The following RNF170 variants were observed in gnomAD, a reference collection of about 807,000 sequenced individuals.
The protein encoded by RNF170 is E3 ubiquitin-protein ligase RNF170.
A neutral mutation model predicts 32.7 loss-of-function variants in RNF170; 12 were observed. That is an observed-to-expected ratio of 0.37 (90% CI 0.24 to 0.60). The LOEUF (loss-of-function observed/expected upper bound fraction) is 0.60, where lower values mean the gene tolerates loss of function less well. Ranked by LOEUF, RNF170 falls within the 20% of genes least tolerant of loss-of-function variation. RNF170 has a pLI of 0.72. For synonymous variants in RNF170, 91 were observed against 103.6 expected, an observed-to-expected ratio of 0.88 and a Z score of 0.74; for missense variants, 212 against 311.2, an observed-to-expected ratio of 0.68 and a Z score of 2.40.
At chr8:42,881,507 A>G (rs1805402068) in intron 2 of RNF170, 2 of 152,244 alleles carry the variant, frequency 1.3e-5, no homozygotes, top group Non-Finnish European at 2.9e-5. Flanking sequence ...CATGACCATC[A>G]ATGGTAGACT....
intron 1 of RNF170, among the ~76,000 whole-genome samples, chr8:42,894,725 C>T (rs956458110): frequency 5.3e-5 from 8 of 151,960 alleles, no homozygotes; most frequent in African/African-American, 1.9e-4. Flanking sequence ...CCACCACGCC[C>T]GGCTAATTTT....
chr8:42,881,460 T>C (rs529538859), intron 2 of RNF170: 1 of 152,220 alleles, frequency 6.6e-6, no homozygotes, highest in East Asian at 1.9e-4. Flanking sequence ...AACTCTGGTG[T>C]TGCTATTTAC....
At chr8:42,863,980 AGTGTGTGTGTGTGTGT>A (rs71231874) in intron 5 of RNF170, among the ~76,000 whole-genome samples, 1 of 139,512 alleles carries the variant, frequency 7.2e-6, no homozygotes, top group Admixed American at 7.2e-5. Flanking sequence ...AGAGAGAGAG[AGTGTGTGTGTGTGTGT>A]GTGTGTGTGT....
intron 2 of RNF170, among the ~76,000 whole-genome samples, chr8:42,876,256 T>TA (rs1804922152): frequency 6.6e-6 from 1 of 150,794 alleles, no homozygotes; most frequent in African/African-American, 2.4e-5. Flanking sequence ...GAATATATTT[T>TA]AAAAAATATT....
rs1019290508 is a variant in RNF170, at chr8:42,856,491, T to C, written c.508-63A>G. 6.8e-6 allele frequency: 8 copies of C among 1,174,134 alleles called. No individual in the cohort carries two copies. In the African/African-American group the frequency reaches 1.1e-4, roughly 16 times the overall value. The allele number at this position is 1,174,134 out of a possible 1,614,324, so 72.7% of individuals were successfully genotyped here. A position where few individuals can be genotyped will look rare whatever the true frequency, so the allele number is the denominator to read the frequency against. On this transcript the variant is annotated intron_variant, in intron 6 of 6. Transcript: ENST00000527424. Reference sequence around the variant, plus strand: ...TAATGTGTCAGATTTCAAAATAATATAATTTTCTTACTATATGTAAACATT... The same window carrying C: ...TAATGTGTCAGATTTCAAAATAATACAATTTTCTTACTATATGTAAACATT...
Position 42,856,409 on chromosome 8 carries a change from T to TC in RNF170, c.526dup (p.Asp176GlyfsTer47). 6.2e-7 allele frequency: 1 copy of TC among 1,611,242 alleles called. No homozygotes were observed. Among genetic ancestry groups the TC allele is most frequent in the Non-Finnish European group, 8.5e-7 (1 of 1,179,000 alleles). ...TGCATGCCTCAGTAAAGTGGGTAGA[T>TC]CCATAATTCTCTCCATAATCTGGTA... On this transcript the variant is annotated frameshift_variant, in exon 7 of 7. Coordinates refer to ENST00000527424, the MANE Select transcript of RNF170 (RefSeq NM_030954.4). LOFTEE classifies it high-confidence loss of function.
chr8:42,856,416 T>C lies in RNF170; in HGVS notation c.520A>G (p.Ile174Val), dbSNP rs745349222. ...CTCAGTAAAGTGGGTAGATCCATAA[T>C]TCTCTCCATAATCTGGTAGAGGGAA... is the stretch of plus-strand genomic sequence containing the variant. ...SGQPRSIMER[I>V]MDLPTLLRHA... The change falls in exon 7 of 7, where the codon ATT becomes GTT. Residue 174 changes from isoleucine (I) to valine (V), a missense_variant. By Grantham distance (29) the Ile-to-Val change is conservative. Transcript: ENST00000527424. 2 of 1,610,982 alleles carry C rather than the reference T, an allele frequency of 1.2e-6. No homozygotes were observed. Among genetic ancestry groups the C allele is most frequent in the Admixed American group, 1.7e-5 (1 of 59,550 alleles).
At chr8:42,883,161 G>A (rs1805548211) in intron 2 of RNF170, among the ~76,000 whole-genome samples, 1 of 152,094 alleles carries the variant, frequency 6.6e-6, no homozygotes, top group Non-Finnish European at 1.5e-5. Flanking sequence ...TGGGGAGACT[G>A]AAAGGGGGCA....
chr8:42,874,484 TA>T (rs1390556565), intron 2 of RNF170, among the ~76,000 whole-genome samples: 3 of 152,244 alleles, frequency 2.0e-5, no homozygotes, highest in African/African-American at 7.2e-5. Flanking sequence ...CTCATGCCTG[TA>T]ATCCCAGCAC....
intron 2 of RNF170, among the ~76,000 whole-genome samples, chr8:42,886,546 C>T (rs1012309582): frequency 1.3e-5 from 2 of 152,160 alleles, no homozygotes; most frequent in Admixed American, 6.5e-5. Flanking sequence ...ACGCCTCAGC[C>T]GCCCAAGTAG....
Position 42,861,868 on chromosome 8 carries a change from G to GA in RNF170, c.397-14dup, listed in dbSNP as rs558493564. The GA allele has an allele frequency of 4.1e-4, 643 of 1,571,552 alleles. No individual in the cohort carries two copies. Among genetic ancestry groups the GA allele is most frequent in the South Asian group, 7.9e-4 (67 of 84,634 alleles). ...GGAGTAAGGTTACCTGTATATTACA[G>GA]AAAAAAAAATTATTTCAACTTTCTG... On this transcript the variant is annotated splice_polypyrimidine_tract_variant and intron_variant, in intron 5 of 6. Transcript: ENST00000527424.
At position 42,855,534 on chromosome 8, in the gene RNF170, A is replaced by G. The variant is rs1803189681; in HGVS notation, c.*625T>C. 2 of 1,283,500 alleles carry G rather than the reference A, an allele frequency of 1.6e-6. No homozygotes were observed. The highest frequency in any genetic ancestry group is 2.0e-6 in the Non-Finnish European group (2 of 985,122). The allele number at this position is 1,283,500 out of a possible 1,614,324, so 79.5% of individuals were successfully genotyped here. A position where few individuals can be genotyped will look rare whatever the true frequency, so the allele number is the denominator to read the frequency against. On this transcript the variant is annotated 3_prime_UTR_variant, in exon 7 of 7. Coordinates refer to ENST00000527424, the MANE Select transcript of RNF170 (RefSeq NM_030954.4). The stretch of plus-strand genomic sequence containing the variant: ...CCATGTTTTTCATCTTAATTCTTCT[A>G]TTGATTAAAATGTGTTCTGTAAACT...
rs185857873 is a variant in RNF170, at chr8:42,861,494, A to C, written c.507+251T>G. ...AAGCAGGGACTACAGGCATGTGCCA[A>C]CACTCTTGTCCAATTTTTTGGTGTT... On this transcript the variant is annotated intron_variant, in intron 6 of 6. Coordinates refer to ENST00000527424, the MANE Select transcript of RNF170 (RefSeq NM_030954.4). 18 of 430,078 alleles carry C rather than the reference A, an allele frequency of 4.2e-5. No individual in the cohort carries two copies. The East Asian group carries it at 8.2e-4, about 20-fold the overall frequency. The allele number at this position is 430,078 out of a possible 1,614,324, so 26.6% of individuals were successfully genotyped here.
rs1229689875 is a variant in RNF170 at position 42,875,007 on chromosome 8, A to G, written c.138-1001T>C. On this transcript the variant is annotated intron_variant, in intron 2 of 6. Coordinates refer to ENST00000527424, the MANE Select transcript of RNF170 (RefSeq NM_030954.4). ...ACCAACATGGAGAAACCCTGTCTCT[A>G]TTAAAAATATAAAATTAGCCGGGCT... Among the ~76,000 whole-genome samples, 3 of 151,750 alleles carry G rather than the reference A, an allele frequency of 2.0e-5. No individual in the cohort carries two copies. In the East Asian group the frequency reaches 5.8e-4, roughly 30 times the overall value.
chr8:42,878,460 A>G (rs910428561), intron 2 of RNF170, among the ~76,000 whole-genome samples: 15 of 152,024 alleles, frequency 9.9e-5, no homozygotes, highest in Admixed American at 9.8e-4. Flanking sequence ...TCTGGATAGA[A>G]GATCAAACCA....
intron 3 of RNF170, among the ~76,000 whole-genome samples, chr8:42,870,934 C>A (rs757394938): frequency 6.6e-6 from 1 of 151,450 alleles, no homozygotes; most frequent in Non-Finnish European, 1.5e-5. Flanking sequence ...CATGGCCGGG[C>A]ACGGTGGCTC....
chr8:42,854,754 C>G lies in RNF170; in HGVS notation c.*1405G>C. ...CAGATGACAATGCTAACACTGACTC[C>G]TGGGCATCCCCTCACATCCTGCTGT... On this transcript the variant is annotated 3_prime_UTR_variant, in exon 7 of 7. Transcript: ENST00000527424. 2.3e-6 allele frequency: 3 copies of G among 1,287,454 alleles called. No individual in the cohort carries two copies. The highest frequency in any genetic ancestry group is 3.0e-6 in the Non-Finnish European group (3 of 988,702). The allele number at this position is 1,287,454 out of a possible 1,614,324, so 79.8% of individuals were successfully genotyped here.
chr8:42,882,217 T>C (rs1307894367), intron 2 of RNF170, among the ~76,000 whole-genome samples: 1 of 152,094 alleles, frequency 6.6e-6, no homozygotes, highest in Admixed American at 6.6e-5. Context: ...AACATAGAAA[T>C]TACTTTATGA....
intron 5 of RNF170, among the ~76,000 whole-genome samples, chr8:42,863,978 A>AGTGTGTGTGT (rs776257416): frequency 1.4e-5 from 1 of 70,050 alleles, no homozygotes; most frequent in African/African-American, 4.8e-5. Flanking sequence ...AGAGAGAGAG[A>AGTGTGTGTGT]GAGTGTGTGT....
Sources: gnomAD v4.1 joint callset for allele counts (sites outside exome capture counted in the v4.1 genomes callset) on GRCh38, gnomAD v4.1.1 for gene constraint, MANE v1.5 for transcripts, NCBI Gene and HGNC (gene_info 2026-07-23, HGNC 2026-07-21) for gene names.